The following FLT1 variants were observed in gnomAD, a reference collection of about 807,000 sequenced individuals.
The protein encoded by FLT1 is fms related receptor tyrosine kinase 1, also known as vascular endothelial growth factor receptor 1.
FLT1 carries 49 observed loss-of-function variants against 156.3 expected under a neutral mutation model. That is an observed-to-expected ratio of 0.31 (90% CI 0.25 to 0.40). The LOEUF (loss-of-function observed/expected upper bound fraction) is 0.40. FLT1 is among the 10% of genes least tolerant of loss of function. The pLI, the probability that FLT1 is intolerant of heterozygous loss-of-function variation, is 1.00. For missense variants in FLT1, 1,322 were observed against 1,637.2 expected, an observed-to-expected ratio of 0.81 and a Z score of 3.32; for synonymous variants, 594 against 583.8, an observed-to-expected ratio of 1.02 and a Z score of -0.25.
chr13:28,404,571 C>T (rs1475687669), intron 11 of FLT1, among the ~76,000 whole-genome samples: 1 of 152,200 alleles, frequency 6.6e-6, no homozygotes, highest in East Asian at 1.9e-4. Context: ...ACTTTGTCAT[C>T]TTCAAGTGCA....
chr13:28,388,749 C>A, intron 13 of FLT1: 1 of 1,058,550 alleles, frequency 9.4e-7, no homozygotes, highest in Non-Finnish European at 1.1e-6. Context: ...TAGAAGAATG[C>A]ATTAAATCTC....
chr13:28,465,213 T>G (rs1879784625), intron 3 of FLT1, among the ~76,000 whole-genome samples: 1 of 152,180 alleles, frequency 6.6e-6, no homozygotes, highest in South Asian at 2.1e-4. Context: ...ATCCCTGCTT[T>G]AGAAGTGGGC....
chr13:28,355,482 A>G (rs1171954473), intron 15 of FLT1, among the ~76,000 whole-genome samples: 1 of 152,332 alleles, frequency 6.6e-6, no homozygotes, highest in African/African-American at 2.4e-5. Flanking sequence ...AATAATAATA[A>G]AAGGCAGAAT....
chr13:28,431,221 C>A lies in FLT1; in HGVS notation c.903G>T (p.Met301Ile), dbSNP rs1037616024. ...IFYSVLTIDK[M>I]QNKDKGLYTC... is the part of the protein sequence containing the mutation. ...TATAAAGTCCTTTGTCTTTGTTCTGCATTTTGTCAATAGTAAGAACACTGT... is the reference window on the plus strand; with the variant it reads ...TATAAAGTCCTTTGTCTTTGTTCTGAATTTTGTCAATAGTAAGAACACTGT... The change falls in exon 7 of 30, where the codon ATG becomes ATT. Residue 301 changes from methionine (M) to isoleucine (I), a missense_variant. Around this residue, in one of 3 missense-constraint regions of FLT1, gnomAD observed 991 missense variants for 1,254.8 expected, o/e 0.79. Transcript: ENST00000282397. 6 of 1,613,428 alleles carry A rather than the reference C, an allele frequency of 3.7e-6. No individual in the cohort carries two copies. Among genetic ancestry groups the A allele is most frequent in the Non-Finnish European group, 5.1e-6 (6 of 1,179,368 alleles).
intron 1 of FLT1, among the ~76,000 whole-genome samples, chr13:28,480,454 G>T (rs963472263): frequency 1.5e-4 from 23 of 152,148 alleles, no homozygotes; most frequent in Admixed American, 1.2e-3. Flanking sequence ...CATTATATTT[G>T]TGTGTTATCA....
chr13:28,423,609 C>A (rs188665552), intron 10 of FLT1, among the ~76,000 whole-genome samples: 1 of 152,200 alleles, frequency 6.6e-6, no homozygotes, highest in Admixed American at 6.5e-5. Context: ...ATGATTACAA[C>A]CTTGCAAATC....
chr13:28,486,852 A>G (rs1157772814), intron 1 of FLT1, among the ~76,000 whole-genome samples: 2 of 152,318 alleles, frequency 1.3e-5, no homozygotes, highest in African/African-American at 4.8e-5. Context: ...ACAGATTGGC[A>G]TTTGGGCAGG....
intron 13 of FLT1, chr13:28,386,780 G>T (rs1874391112): frequency 9.5e-7 from 1 of 1,053,556 alleles, no homozygotes; most frequent in East Asian, 5.4e-5. Flanking sequence ...AGATCATAAA[G>T]AACAGTATCA....
At chr13:28,486,141 A>G (rs1881146677) in intron 1 of FLT1, among the ~76,000 whole-genome samples, 1 of 152,204 alleles carries the variant, frequency 6.6e-6, no homozygotes, top group Non-Finnish European at 1.5e-5. Flanking sequence ...TAAAAGCACC[A>G]AAGTGGAGCT....
At chr13:28,417,229 T>G (rs1044500350) in intron 10 of FLT1, among the ~76,000 whole-genome samples, 1 of 152,172 alleles carries the variant, frequency 6.6e-6, no homozygotes, top group African/African-American at 2.4e-5. Context: ...CAATTTTGGT[T>G]TTTATTTTTT....
At chr13:28,446,492 T>C (rs117879000) in intron 3 of FLT1, among the ~76,000 whole-genome samples, 1 of 152,304 alleles carries the variant, frequency 6.6e-6, no homozygotes, top group East Asian at 1.9e-4. Flanking sequence ...TGAATTATAT[T>C]CCTATACATT....
chr13:28,363,895 ACTGCTCCCAG>A (rs1565986553), intron 14 of FLT1, among the ~76,000 whole-genome samples: 1 of 152,186 alleles, frequency 6.6e-6, no homozygotes, highest in Non-Finnish European at 1.5e-5. Context: ...GGGGTGAACC[ACTGCTCCCAG>A]CTCATGCTTT....
chr13:28,449,850 T>C (rs1566034066), intron 3 of FLT1, among the ~76,000 whole-genome samples: 1 of 152,234 alleles, frequency 6.6e-6, no homozygotes, highest in South Asian at 2.1e-4. Flanking sequence ...GCTTCACTTA[T>C]AACAGCAGAT....
At chr13:28,349,450 A>ACACACACACGCGCACACG (rs1283973494) in intron 15 of FLT1, among the ~76,000 whole-genome samples, 140 of 150,600 alleles carry the variant, frequency 9.3e-4, no homozygotes, top group African/African-American at 3.3e-3. Flanking sequence ...ACACACACAC[A>ACACACACACGCGCACACG]CACACACACA....
chr13:28,469,890 A>G (rs1178370137), intron 1 of FLT1, among the ~76,000 whole-genome samples: 1 of 151,922 alleles, frequency 6.6e-6, no homozygotes, highest in Non-Finnish European at 1.5e-5. Flanking sequence ...AGTAGCTGGG[A>G]CTACAGGTGC....
At chr13:28,351,381 GA>G (rs1328586387) in intron 15 of FLT1, among the ~76,000 whole-genome samples, 1 of 152,142 alleles carries the variant, frequency 6.6e-6, no homozygotes, top group African/African-American at 2.4e-5. Context: ...AGGTATGAAC[GA>G]GAAGAAAATT....
intron 1 of FLT1, among the ~76,000 whole-genome samples, chr13:28,469,596 G>A (rs1566047227): frequency 6.6e-6 from 1 of 152,164 alleles, no homozygotes; most frequent in African/African-American, 2.4e-5. Flanking sequence ...TGCCTGGCAC[G>A]TGGCAGATGC....
At chr13:28,389,312 G>C in intron 13 of FLT1, 1 of 1,208,210 alleles carries the variant, frequency 8.3e-7, no homozygotes, top group Non-Finnish European at 1.0e-6. Flanking sequence ...TAACTTATTC[G>C]TGTCCATCTT....
chr13:28,367,095 T>G (rs938247471), intron 14 of FLT1, among the ~76,000 whole-genome samples: 1 of 152,170 alleles, frequency 6.6e-6, no homozygotes, highest in Admixed American at 6.5e-5. Context: ...AAGCTAGTTA[T>G]TAGTGCTAAC....
Sources: allele counts gnomAD v4.1 joint callset (sites outside exome capture counted in the v4.1 genomes callset), GRCh38; gene constraint gnomAD v4.1.1; regional missense constraint gnomAD v4.1.1; transcripts MANE v1.5; gene names NCBI Gene and HGNC (gene_info 2026-07-23, HGNC 2026-07-21).